The following PSME4 variants were observed in gnomAD, a reference collection of about 807,000 sequenced individuals.
PSME4 encodes the protein proteasome activator subunit 4, also known as proteasome activator complex subunit 4.
Under a neutral mutation model 253.9 loss-of-function variants are expected in PSME4, and 89 were observed. The observed-to-expected ratio is 0.35, with a 90% CI of 0.30 to 0.42. PSME4 has a LOEUF of 0.42. PSME4 is among the 10% of genes least tolerant of loss of function. The probability of loss-of-function intolerance (pLI) is 1.00; values close to 1 mark genes in which losing one functional copy is unlikely to be tolerated. For missense variants in PSME4, 2,014 were observed against 2,195.2 expected (o/e 0.92, Z 1.65); for synonymous variants, 851 against 759.2 (o/e 1.12, Z -1.99).
chr2:53,940,245 C>T lies in PSME4; in HGVS notation c.501-245G>A, dbSNP rs530411689. Among the ~76,000 whole-genome samples, 3 of 152,248 alleles carry T rather than the reference C, an allele frequency of 2.0e-5. No homozygotes were observed. In the South Asian group the frequency reaches 6.2e-4, roughly 32 times the overall value. ...GAACTAAAGGGAAAAAAAGGTTACA[C>T]TGGGAAAAGAACAAATTGTTTTCAG... On this transcript the variant is annotated intron_variant, in intron 3 of 46. Coordinates refer to ENST00000404125, the MANE Select transcript of PSME4 (RefSeq NM_014614.3).
chr2:53,947,488 G>A (rs1048636329), intron 3 of PSME4, among the ~76,000 whole-genome samples: 37 of 151,014 alleles, frequency 2.5e-4, no homozygotes, highest in African/African-American at 8.3e-4. Flanking sequence ...GGGGGATCAC[G>A]AGGTCAGGAG....
In PSME4 at chr2:53,932,676, G is replaced by A. The variant is rs1435701558; in HGVS notation, c.1042C>T (p.Arg348Cys). 1.2e-5 allele frequency: 20 copies of A among 1,611,186 alleles called. No individual in the cohort carries two copies. Among genetic ancestry groups the A allele is most frequent in the Admixed American group, 1.7e-5 (1 of 60,026 alleles). ...TSFYHPSNNG[R>C]WLNKLMKLLQ... ...AAAACGAAGTTACTCACCAGCCAGC[G>A]CCCATTATTTGAAGGATGGTAAAAA... Residue 348 changes from arginine (R) to cysteine (C), a missense_variant, in exon 9 of 47, where the codon CGC becomes TGC. Around this residue, in one of 4 missense-constraint regions of PSME4, gnomAD observed 615 missense variants for 594.4 expected, o/e 1.03. Transcript: ENST00000404125.
rs192457482 is a variant in PSME4, at chr2:53,920,177, A to G, written c.2420+16T>C. 1.0e-5 allele frequency: 16 copies of G among 1,583,992 alleles called. No homozygotes were observed. Among genetic ancestry groups the G allele is most frequent in the Non-Finnish European group, 1.2e-5 (14 of 1,165,828 alleles). ...AGTCTGCAACTGAATAACTCTAATT[A>G]TAAAATAAAACCAACCTAGACATTT... On this transcript the variant is annotated intron_variant, in intron 19 of 46. Transcript: ENST00000404125.
intron 41 of PSME4, among the ~76,000 whole-genome samples, chr2:53,884,934 T>C (rs1473407788): frequency 2.6e-5 from 4 of 152,178 alleles, no homozygotes; most frequent in Admixed American, 6.5e-5. Flanking sequence ...AAATATACTA[T>C]AGCAAATCAA....
At chr2:53,905,165 G>C (rs891629945) in intron 26 of PSME4, among the ~76,000 whole-genome samples, 4 of 151,128 alleles carry the variant, frequency 2.6e-5, no homozygotes, top group Admixed American at 2.6e-4. Context: ...GTGTAGCTGG[G>C]ACTATAGGCG....
At chr2:53,895,882 T>C (rs750037241) in intron 32 of PSME4, 146 bp from the exon 33 acceptor site, 6 of 677,996 alleles carry the variant, frequency 8.8e-6, no homozygotes, top group East Asian at 5.9e-5. Context: ...ATATGAGCAA[T>C]TGGAGGCACA....
In PSME4 at chr2:53,923,132, T is replaced by C. The variant is rs748525618; in HGVS notation, c.1909-14A>G. 3.1e-6 allele frequency: 5 copies of C among 1,594,094 alleles called. No individual in the cohort carries two copies. In the East Asian group the frequency reaches 9.0e-5, roughly 29 times the overall value. ...TTCTGGGCAGCACTGAAAATGTATT[T>C]GTATAAGTAAGGCTTTTTTGAAAGG... On this transcript the variant is annotated splice_polypyrimidine_tract_variant and intron_variant, in intron 15 of 46. Coordinates refer to ENST00000404125, the MANE Select transcript of PSME4 (RefSeq NM_014614.3).
chr2:53,902,296 CT>C (rs1680439163), intron 27 of PSME4, among the ~76,000 whole-genome samples: 1 of 152,176 alleles, frequency 6.6e-6, no homozygotes, highest in African/African-American at 2.4e-5. Context: ...TACATAAAAA[CT>C]AAAGTATACT....
At chr2:53,941,600 AT>A (rs1669458106) in intron 3 of PSME4, among the ~76,000 whole-genome samples, 1 of 152,128 alleles carries the variant, frequency 6.6e-6, no homozygotes. Flanking sequence ...AACATTTTAT[AT>A]CAGAGTAACA....
At chr2:53,872,741 CAAAAAAAAAAAA>C (rs61308177) in intron 43 of PSME4, among the ~76,000 whole-genome samples, 4 of 48,002 alleles carry the variant, frequency 8.3e-5, no homozygotes, top group African/African-American at 1.6e-4. Flanking sequence ...GACTTGGTCT[CAAAAAAAAAAAA>C]AAAAAAAAAA....
intron 36 of PSME4, among the ~76,000 whole-genome samples, chr2:53,892,171 T>C (rs1679938266): frequency 6.6e-6 from 1 of 152,208 alleles, no homozygotes; most frequent in Admixed American, 6.5e-5. Flanking sequence ...GTGTTTGCAG[T>C]CCTCCTAAAA....
intron 32 of PSME4, among the ~76,000 whole-genome samples, chr2:53,896,209 A>G (rs1266191485): frequency 2.0e-5 from 3 of 152,200 alleles, no homozygotes; most frequent in Non-Finnish European, 2.9e-5. Context: ...AATTCTCAAA[A>G]AAGCTTTCAT....
Position 53,948,380 on chromosome 2 carries a change from C to G in PSME4, c.500+41G>C, listed in dbSNP as rs560700916. On this transcript the variant is annotated intron_variant, in intron 3 of 46. Transcript: ENST00000404125. The stretch of plus-strand genomic sequence containing the variant: ...ATCATGATCACCCCCCTAAAAAACC[C>G]CAAGTACTCCCAAATAAGTGCTTTA... The G allele has an allele frequency of 3.2e-5, 43 of 1,327,438 alleles. No homozygotes were observed. The South Asian group carries it at 5.1e-4, about 16-fold the overall frequency. 82.2% of individuals were successfully genotyped at this position (1,327,438 alleles called of 1,614,324 possible).
intron 29 of PSME4, among the ~76,000 whole-genome samples, chr2:53,898,695 T>C (rs956439754): frequency 6.6e-6 from 1 of 151,788 alleles, no homozygotes; most frequent in Non-Finnish European, 1.5e-5. Context: ...TTCTGAAATA[T>C]ATTAGGTAGG....
chr2:53,875,488 C>T (rs1224897522), intron 42 of PSME4, 139 bp downstream of exon 42: 1 of 765,282 alleles, frequency 1.3e-6, no homozygotes. Flanking sequence ...TTTCTTTGGT[C>T]AATATATATG....
chr2:53,923,161 A>G, intron 15 of PSME4, 43 bp from the exon 16 acceptor site: 1 of 1,537,528 alleles, frequency 6.5e-7, no homozygotes, highest in Non-Finnish European at 8.9e-7. Context: ...TGAAAGGCAA[A>G]TATATACAAG....
chr2:53,902,345 T>C (rs805425), intron 27 of PSME4, among the ~76,000 whole-genome samples: 44,284 of 152,066 alleles, frequency 0.29, 6,887 homozygotes, highest in South Asian at 0.48. Flanking sequence ...TTAACCACAA[T>C]GATTCTGATG....
At chr2:53,878,385 T>A (rs1005668264) in intron 41 of PSME4, among the ~76,000 whole-genome samples, 1 of 152,162 alleles carries the variant, frequency 6.6e-6, no homozygotes, top group African/African-American at 2.4e-5. Context: ...GATAATTGTG[T>A]TAATTGCACA....
At chr2:53,880,979 C>A (rs1287314320) in intron 41 of PSME4, among the ~76,000 whole-genome samples, 9 of 152,086 alleles carry the variant, frequency 5.9e-5, no homozygotes, top group African/African-American at 1.7e-4. Flanking sequence ...TTGAATCAGC[C>A]GTCTCTCTTC....
Sources: gnomAD v4.1 joint callset for allele counts (sites outside exome capture counted in the v4.1 genomes callset) on GRCh38, gnomAD v4.1.1 for gene constraint, gnomAD v4.1.1 regional missense constraint, MANE v1.5 for transcripts, NCBI Gene and HGNC (gene_info 2026-07-23, HGNC 2026-07-21) for gene names.